MFHAS1: variants seen among roughly 807,000 people sequenced by gnomAD.
MFHAS1 encodes malignant fibrous histiocytoma-amplified sequence 1.
MFHAS1 carries 50 observed loss-of-function variants against 70.4 expected under a neutral mutation model. The observed-to-expected ratio is 0.71, with a 90% CI of 0.57 to 0.90. The LOEUF is 0.90. Among genes scored for constraint, MFHAS1 ranks in the 40% least tolerant of loss-of-function variants. The probability of loss-of-function intolerance (pLI) is 0.00; values close to 1 mark genes in which losing one functional copy is unlikely to be tolerated. For missense variants in MFHAS1, 1,795 were observed against 1,347.6 expected (o/e 1.33, Z -5.20); for synonymous variants, 952 against 620.0 (o/e 1.54, Z -7.96).
At chr8:8,836,952 A>C (rs1807618631) in intron 1 of MFHAS1, among the ~76,000 whole-genome samples, 1 of 152,164 alleles carries the variant, frequency 6.6e-6, no homozygotes, top group Non-Finnish European at 1.5e-5. Context: ...ATTAAGTCTC[A>C]TTCTGTCTGC....
chr8:8,886,135 T>C (rs1809743296), intron 1 of MFHAS1, among the ~76,000 whole-genome samples: 1 of 152,016 alleles, frequency 6.6e-6, no homozygotes, highest in African/African-American at 2.4e-5. Flanking sequence ...GATTTATTTT[T>C]ACAAAAAACT....
rs575803631 is a variant in MFHAS1 at position 8,846,578 on chromosome 8, T to G, written c.2998+43483A>C. ...CTCAAAGTTCCCAAGCCTCACAGAATCTCCCCTCTGCTGCTGGCACCTCTC... is the reference window on the plus strand; with the variant it reads ...CTCAAAGTTCCCAAGCCTCACAGAAGCTCCCCTCTGCTGCTGGCACCTCTC... On this transcript the variant is annotated intron_variant, in intron 1 of 2. Transcript: ENST00000276282. Among the ~76,000 whole-genome samples the G allele has an allele frequency of 3.9e-5, 6 of 152,076 alleles. No individual in the cohort carries two copies. In the East Asian group the frequency reaches 1.2e-3, roughly 30 times the overall value.
chr8:8,814,778 T>G (rs1337318207), intron 1 of MFHAS1, among the ~76,000 whole-genome samples: 1 of 151,282 alleles, frequency 6.6e-6, no homozygotes, highest in African/African-American at 2.4e-5. Context: ...GAAAAGACAC[T>G]CAACGTGATG....
At chr8:8,843,018 C>A (rs1340944561) in intron 1 of MFHAS1, among the ~76,000 whole-genome samples, 2 of 152,060 alleles carry the variant, frequency 1.3e-5, no homozygotes, top group East Asian at 3.9e-4. Context: ...GTAATCCCAG[C>A]ACTTTGGGAG....
intron 1 of MFHAS1, among the ~76,000 whole-genome samples, chr8:8,874,365 CA>C (rs1809207580): frequency 7.2e-6 from 1 of 138,798 alleles, no homozygotes; most frequent in African/African-American, 2.8e-5. Flanking sequence ...CACACACACA[CA>C]CACACACATA....
rs1217867552 is a variant in MFHAS1 at position 8,783,404 on chromosome 8, C to A, written c.*2618G>T. On this transcript the variant is annotated 3_prime_UTR_variant, in exon 3 of 3. Coordinates refer to ENST00000276282, the MANE Select transcript of MFHAS1 (RefSeq NM_004225.3). ...TGATTTTTCTTTTTTAATTTCTGCCCAGTTACAACAACGAAATGGGAAACC... is the reference window on the plus strand; with the variant it reads ...TGATTTTTCTTTTTTAATTTCTGCCAAGTTACAACAACGAAATGGGAAACC... 1 of 152,082 alleles carries A rather than the reference C, an allele frequency of 6.6e-6. No homozygotes were observed. The highest frequency in any genetic ancestry group is 1.5e-5 in the Non-Finnish European group (1 of 68,010). The allele number at this position is 152,082 out of a possible 1,614,324, so 9.4% of individuals were successfully genotyped here. A position where few individuals can be genotyped will look rare whatever the true frequency, so the allele number is the denominator to read the frequency against.
chr8:8,847,353 T>A (rs962608699), intron 1 of MFHAS1, among the ~76,000 whole-genome samples: 3 of 152,202 alleles, frequency 2.0e-5, no homozygotes, highest in Non-Finnish European at 2.9e-5. Flanking sequence ...AGCTAATTTT[T>A]GTATTTTTAG....
intron 1 of MFHAS1, among the ~76,000 whole-genome samples, chr8:8,812,994 T>G (rs1806607013): frequency 6.6e-6 from 1 of 152,206 alleles, no homozygotes; most frequent in Non-Finnish European, 1.5e-5. Context: ...CTCAAACTTG[T>G]GACCTCAAGT....
intron 1 of MFHAS1, among the ~76,000 whole-genome samples, chr8:8,804,804 G>A (rs986521070): frequency 4.6e-5 from 7 of 152,240 alleles, no homozygotes; most frequent in South Asian, 2.1e-4. Context: ...CACTGGGCAC[G>A]GATGACGGGC....
chr8:8,864,421 G>A (rs1808782692), intron 1 of MFHAS1, among the ~76,000 whole-genome samples: 1 of 152,178 alleles, frequency 6.6e-6, no homozygotes, highest in South Asian at 2.1e-4. Context: ...TAGAAACAAT[G>A]TCTTCCTATC....
chr8:8,890,451 G>T lies in MFHAS1; in HGVS notation c.2608C>A (p.Leu870Ile). Residue 870 changes from leucine to isoleucine, a missense_variant, in exon 1 of 3, where the codon CTA becomes ATA. By Grantham distance (5) the Leu-to-Ile change is conservative. Transcript: ENST00000276282. ...TCAGCCACAAAAGACTGCCCAGCTA[G>T]GTTGGTCCCATTAATCCAGGCTTCT... is the stretch of plus-strand genomic sequence containing the variant. ...HAEAWINGTN[L>I]AGQSFVAEQL... The T allele has an allele frequency of 1.2e-6, 2 of 1,613,900 alleles. No individual in the cohort carries two copies. Among genetic ancestry groups the T allele is most frequent in the Non-Finnish European group, 1.7e-6 (2 of 1,180,030 alleles).
rs777138479 is a variant in MFHAS1 at position 8,890,335 on chromosome 8, G to C, written c.2724C>G (p.His908Gln). The C allele has an allele frequency of 2.0e-5, 32 of 1,614,098 alleles. No individual in the cohort carries two copies. Among genetic ancestry groups the C allele is most frequent in the Non-Finnish European group, 2.6e-5 (31 of 1,180,050 alleles). Residue 908 changes from histidine to glutamine, a missense_variant, in exon 1 of 3, where the codon CAC becomes CAG. Physicochemically the swap from His to Gln is conservative, Grantham distance 24 (BLOSUM62 0). Transcript: ENST00000276282. ...YSVQINSHVV[H>Q]RSDGKFQIFA... ...AGATCTGAAATTTACCATCCGACCT[G>C]TGCACCACATGGCTGTTGATCTGGA...
At chr8:8,832,827 G>T (rs1182563665) in intron 1 of MFHAS1, among the ~76,000 whole-genome samples, 2 of 151,902 alleles carry the variant, frequency 1.3e-5, no homozygotes, top group South Asian at 2.1e-4. Flanking sequence ...TCGAGGCGAG[G>T]TCTCTTTTAG....
intron 1 of MFHAS1, among the ~76,000 whole-genome samples, chr8:8,881,570 C>T (rs1192514645): frequency 6.6e-6 from 1 of 152,228 alleles, no homozygotes; most frequent in Non-Finnish European, 1.5e-5. Flanking sequence ...GGCATGGTGG[C>T]TCACGCCTGT....
chr8:8,808,286 C>G (rs910838013), intron 1 of MFHAS1, among the ~76,000 whole-genome samples: 3 of 151,690 alleles, frequency 2.0e-5, no homozygotes, highest in Admixed American at 1.3e-4. Context: ...CCTCCTCTGC[C>G]CAGTGTCCCC....
chr8:8,790,440 C>A, intron 2 of MFHAS1: 1 of 929,092 alleles, frequency 1.1e-6, no homozygotes, highest in South Asian at 5.0e-5. Flanking sequence ...GATACCTAAG[C>A]AGAGAGGGAA....
chr8:8,815,684 A>G (rs1401500387), intron 1 of MFHAS1, among the ~76,000 whole-genome samples: 1 of 152,196 alleles, frequency 6.6e-6, no homozygotes, highest in Non-Finnish European at 1.5e-5. Context: ...AAAAACACTC[A>G]GCATAATCAA....
chr8:8,871,957 C>T (rs371904765), intron 1 of MFHAS1, among the ~76,000 whole-genome samples: 1 of 152,178 alleles, frequency 6.6e-6, no homozygotes, highest in Non-Finnish European at 1.5e-5. Flanking sequence ...CCTAGGAAAC[C>T]GTATCAACTC....
chr8:8,787,232 C>T (rs962372038), intron 2 of MFHAS1, among the ~76,000 whole-genome samples: 11 of 152,116 alleles, frequency 7.2e-5, no homozygotes, highest in African/African-American at 1.9e-4. Context: ...ATGTGCCCGC[C>T]ACCACACGCG....
Sources: allele counts gnomAD v4.1 joint callset (sites outside exome capture counted in the v4.1 genomes callset), GRCh38; gene constraint gnomAD v4.1.1; transcripts MANE v1.5; gene names NCBI Gene and HGNC (gene_info 2026-07-23, HGNC 2026-07-21).